The following ASAH1 variants were observed in gnomAD, a reference collection of about 807,000 sequenced individuals.
The protein encoded by ASAH1 is acid ceramidase.
In ASAH1, 70 loss-of-function variants were observed where a neutral mutation model predicts 59.5. That is an observed-to-expected ratio of 1.18 (90% CI 0.97 to 1.43). ASAH1 has a LOEUF of 1.43. ASAH1 is among the 40% of genes most tolerant of loss of function. The pLI is 0.00. For missense variants in ASAH1, 660 were observed against 482.5 expected, an observed-to-expected ratio of 1.37 and a Z score of -3.45; for synonymous variants, 213 against 166.5, an observed-to-expected ratio of 1.28 and a Z score of -2.15.
At chr8:18,081,527 G>A (rs185458275) in intron 1 of ASAH1, among the ~76,000 whole-genome samples, 22 of 152,260 alleles carry the variant, frequency 1.4e-4, no homozygotes, top group African/African-American at 5.1e-4. Flanking sequence ...GATGTCATCT[G>A]GCGCTATCTC....
At chr8:18,077,556 T>C (rs982559087) in intron 1 of ASAH1, among the ~76,000 whole-genome samples, 11 of 152,344 alleles carry the variant, frequency 7.2e-5, no homozygotes, top group African/African-American at 2.4e-4. Context: ...TGATCAGTTA[T>C]CGGTATGTTG....
intron 2 of ASAH1, chr8:18,075,337 C>T (rs891569422): frequency 8.7e-6 from 6 of 686,934 alleles, no homozygotes; most frequent in Admixed American, 2.1e-5. Flanking sequence ...TAGCGACGGG[C>T]ATTTGAATCG....
chr8:18,057,737 A>G (rs1182925755), intron 13 of ASAH1, 114 bp from the exon 14 acceptor site: 4 of 471,530 alleles, frequency 8.5e-6, no homozygotes, highest in Non-Finnish European at 1.1e-5. Context: ...AATATTAAAT[A>G]ATATAACTTA....
At chr8:18,080,896 C>T (rs916258444) in intron 1 of ASAH1, among the ~76,000 whole-genome samples, 3 of 152,190 alleles carry the variant, frequency 2.0e-5, no homozygotes, top group African/African-American at 7.2e-5. Flanking sequence ...CTCTTCTTGA[C>T]ACATACATGT....
upstream of ASAH1, chr8:18,084,658 A>G: frequency 6.2e-7 from 1 of 1,613,164 alleles, no homozygotes. Flanking sequence ...CGGGTCCTCC[A>G]AGCTGTTGGT....
intron 6 of ASAH1, 42 bp from the exon 7 acceptor site, chr8:18,063,272 G>A: frequency 3.9e-6 from 6 of 1,520,350 alleles, no homozygotes; most frequent in Non-Finnish European, 5.5e-6. Flanking sequence ...TAGCAGTTAA[G>A]ATTCTAAATC....
intron 13 of ASAH1, chr8:18,058,568 C>T: frequency 2.2e-6 from 1 of 464,576 alleles, no homozygotes; most frequent in Non-Finnish European, 3.9e-6. Flanking sequence ...TAATAGATAC[C>T]AATAAGAGTA....
chr8:18,072,906 T>C, intron 2 of ASAH1, among the ~76,000 whole-genome samples: 1 of 151,476 alleles, frequency 6.6e-6, no homozygotes, highest in Non-Finnish European at 1.5e-5. Context: ...ATCCAACCAA[T>C]CCCAAATCAT....
chr8:18,057,399 G>T lies in ASAH1; in HGVS notation c.*135C>A. 1 of 594,782 alleles carries T rather than the reference G, an allele frequency of 1.7e-6. No individual in the cohort carries two copies. Among genetic ancestry groups the T allele is most frequent in the Non-Finnish European group, 3.1e-6 (1 of 320,928 alleles). The allele number at this position is 594,782 out of a possible 1,614,324, so 36.8% of individuals were successfully genotyped here. Reference sequence around the variant, plus strand: ...ATCTGTCATTTGTCAACAGATGGACGAAGACAAGCTATTGACTCAAAGAGA... The same window carrying T: ...ATCTGTCATTTGTCAACAGATGGACTAAGACAAGCTATTGACTCAAAGAGA... On this transcript the variant is annotated 3_prime_UTR_variant, in exon 14 of 14. Transcript: ENST00000637790.
At chr8:18,069,712 T>C in intron 4 of ASAH1, 80 bp downstream of exon 4, 5 of 1,028,986 alleles carry the variant, frequency 4.9e-6, no homozygotes, top group Middle Eastern at 4.2e-4. Context: ...TGCGAAGAGG[T>C]TGCTGAATTA....
chr8:18,057,432 G>A lies in ASAH1; in HGVS notation c.*102C>T, dbSNP rs539946039. ...GCTATTGACTCAAAGAGAACCTGCC[G>A]CGAGTCTTAGTCTTTGGAAGGTCAG... On this transcript the variant is annotated 3_prime_UTR_variant, in exon 14 of 14. Coordinates refer to ENST00000637790, the MANE Select transcript of ASAH1 (RefSeq NM_177924.5). 1.5e-5 allele frequency: 13 copies of A among 852,942 alleles called. No homozygotes were observed. The highest frequency in any genetic ancestry group is 6.3e-5 in the East Asian group (2 of 31,854). The allele number at this position is 852,942 out of a possible 1,614,324, so 52.8% of individuals were successfully genotyped here.
At position 18,071,364 on chromosome 8, in the gene ASAH1, G is replaced by C. The variant is rs756286381; in HGVS notation, c.152C>G (p.Thr51Ser). ...GTAGGGTGGTAAGTCAAGATTTATG[G>C]TGTACCATGGAACTGCACCTCTGTA... ...PTYRGAVPWY[T>S]INLDLPPYKR... is the part of the protein sequence containing the mutation. Residue 51 changes from threonine to serine, a missense_variant, in exon 3 of 14, where the codon ACC (threonine) becomes AGC (serine). Thr to Ser is a moderately conservative substitution (Grantham distance 58). Transcript: ENST00000637790. 6.2e-7 allele frequency: 1 copy of C among 1,600,700 alleles called. No homozygotes were observed. Among genetic ancestry groups the C allele is most frequent in the Non-Finnish European group, 8.5e-7 (1 of 1,170,876 alleles).
At chr8:18,070,244 G>A (rs1800106723) in intron 3 of ASAH1, among the ~76,000 whole-genome samples, 1 of 152,160 alleles carries the variant, frequency 6.6e-6, no homozygotes, top group Admixed American at 6.5e-5. Flanking sequence ...CTGCCTCCCG[G>A]GTTCAAGCGA....
intron 2 of ASAH1, among the ~76,000 whole-genome samples, chr8:18,074,045 A>C (rs1004947376): frequency 6.6e-6 from 1 of 152,246 alleles, no homozygotes; most frequent in Admixed American, 6.5e-5. Context: ...TAAAATGCCT[A>C]ATCAGGAAAG....
intron 9 of ASAH1, 94 bp downstream of exon 9, chr8:18,061,592 G>C: frequency 1.4e-6 from 2 of 1,469,144 alleles, no homozygotes; most frequent in East Asian, 2.4e-5. Context: ...TCGGGAACCG[G>C]AAGAGGTTGG....
chr8:18,063,627 T>A (rs1420988578), intron 6 of ASAH1: 1 of 172,326 alleles, frequency 5.8e-6, no homozygotes, highest in Non-Finnish European at 1.2e-5. Context: ...CCTCTAATTT[T>A]GATTAATTTT....
intron 5 of ASAH1, chr8:18,066,838 A>G (rs757641031): frequency 1.2e-5 from 3 of 258,450 alleles, no homozygotes; most frequent in African/African-American, 6.5e-5. Context: ...TGTTGATACA[A>G]TAGCACACCA....
Position 18,062,253 on chromosome 8 carries a change from T to C in ASAH1, c.648+26A>G, listed in dbSNP as rs780061103. ...GTAACAGGACAGAAGGCTACCTGTA[T>C]AATTATGTAACAACAGACTCCTTAC... On this transcript the variant is annotated intron_variant, in intron 8 of 13. Coordinates refer to ENST00000637790, the MANE Select transcript of ASAH1 (RefSeq NM_177924.5). 15 of 1,614,038 alleles carry C rather than the reference T, an allele frequency of 9.3e-6. No homozygotes were observed. The East Asian group carries it at 3.3e-4, about 36-fold the overall frequency.
intron 2 of ASAH1, 45 bp downstream of exon 2, chr8:18,075,496 T>C (rs766912814): frequency 6.2e-7 from 1 of 1,601,866 alleles, no homozygotes; most frequent in South Asian, 1.1e-5. Flanking sequence ...CAGAAAAAAC[T>C]TCACAAAGGT....
Sources: gnomAD v4.1 joint callset for allele counts (sites outside exome capture counted in the v4.1 genomes callset) on GRCh38, gnomAD v4.1.1 for gene constraint, MANE v1.5 for transcripts, NCBI Gene and HGNC (gene_info 2026-07-23, HGNC 2026-07-21) for gene names.